The following AP2A2 variants were observed in gnomAD, a reference collection of about 807,000 sequenced individuals.
AP2A2 encodes adaptor related protein complex 2 subunit alpha 2.
Under a neutral mutation model 104.2 loss-of-function variants are expected in AP2A2, and 32 were observed. That is an observed-to-expected ratio of 0.31 (90% CI 0.23 to 0.41). AP2A2 has a LOEUF of 0.41. AP2A2 is among the 10% of genes least tolerant of loss of function. AP2A2 has a pLI of 1.00. For synonymous variants in AP2A2, 539 were observed against 533.3 expected (o/e 1.01, Z -0.15); for missense variants, 912 against 1,261.0 (o/e 0.72, Z 4.19).
At chr11:939,513 C>T (rs570681240) in intron 1 of AP2A2, among the ~76,000 whole-genome samples, 108 of 151,590 alleles carry the variant, frequency 7.1e-4, no homozygotes, top group Non-Finnish European at 1.2e-3. Flanking sequence ...GGTGGGATCT[C>T]GGCTCACTGC....
At chr11:955,202 T>TGCACAC (rs963597917) in intron 1 of AP2A2, among the ~76,000 whole-genome samples, 1 of 152,226 alleles carries the variant, frequency 6.6e-6, no homozygotes, top group African/African-American at 2.4e-5. Context: ...CACAGTGGCA[T>TGCACAC]GCACACATAG....
In AP2A2 at chr11:970,176, G is replaced by A. The variant is rs1414037935; in HGVS notation, c.144G>A (p.Lys48=). The change falls in exon 3 of 22, where the codon AAG becomes AAA. Residue 48 remains lysine, a synonymous_variant. Coordinates refer to ENST00000448903, the MANE Select transcript of AP2A2 (RefSeq NM_012305.4). Reference sequence around the variant, plus strand: ...TCCCCACCTTTTCTGTAGGTGACAAGGCTCTTGATGGCTATAGTAAAAAAA... The same window carrying A: ...TCCCCACCTTTTCTGTAGGTGACAAAGCTCTTGATGGCTATAGTAAAAAAA... The part of the protein sequence containing the change: ...ANIRSKFKGD[K]ALDGYSKKKY... 6.2e-7 allele frequency: 1 copy of A among 1,613,878 alleles called. No homozygotes were observed. Among genetic ancestry groups the A allele is most frequent in the East Asian group, 2.2e-5 (1 of 44,884 alleles).
chr11:928,471 C>T (rs896631470), intron 1 of AP2A2, among the ~76,000 whole-genome samples: 2 of 152,214 alleles, frequency 1.3e-5, no homozygotes, highest in Non-Finnish European at 2.9e-5. Context: ...AACTGCTGTA[C>T]TCTATAAAAT....
rs961081073 is a variant in AP2A2 at position 968,724 on chromosome 11, CAG to C, written c.137-1444_137-1443del. On this transcript the variant is annotated intron_variant, in intron 2 of 21. Transcript: ENST00000448903. This position sits in a 1 kb window ranked among gnomAD's most constrained non-coding sequence, Gnocchi z 4.2. Reference sequence around the variant, plus strand: ...AGCTGTGTGTGCCCTCCTGCACAAACAGGGCACGGAGAACGTGTCTGCTGGGA... The same window carrying C: ...AGCTGTGTGTGCCCTCCTGCACAAACGGCACGGAGAACGTGTCTGCTGGGA... 2.0e-5 allele frequency among the ~76,000 whole-genome samples: 3 copies of C among 150,992 alleles called. No homozygotes were observed. The highest frequency in any genetic ancestry group is 4.9e-5 in the African/African-American group (2 of 40,962).
chr11:990,916 C>T (rs1299653423), intron 10 of AP2A2, among the ~76,000 whole-genome samples: 4 of 150,254 alleles, frequency 2.7e-5, no homozygotes, highest in African/African-American at 7.4e-5. Context: ...TGGTGCTCCC[C>T]CCACCCCATC....
chr11:959,353 G>A (rs1854350604), intron 1 of AP2A2, 84 bp from the exon 2 acceptor site: 1 of 956,912 alleles, frequency 1.0e-6, no homozygotes, highest in African/African-American at 1.7e-5. Flanking sequence ...CCATTCGTGA[G>A]TTCTGAGTGT....
chr11:961,674 T>A (rs1210000768), intron 2 of AP2A2, among the ~76,000 whole-genome samples: 1 of 121,930 alleles, frequency 8.2e-6, no homozygotes, highest in Non-Finnish European at 1.7e-5. Flanking sequence ...GATGGAGATG[T>A]GGGTCTGACA....
chr11:933,821 C>A (rs1305647792), intron 1 of AP2A2, among the ~76,000 whole-genome samples: 1 of 152,116 alleles, frequency 6.6e-6, no homozygotes, highest in Non-Finnish European at 1.5e-5. Flanking sequence ...CACGCTTTTT[C>A]CTGAAACATT....
chr11:1,010,523 T>G (rs1309344318), intron 21 of AP2A2, 25 bp from the exon 22 acceptor site: 1 of 1,565,688 alleles, frequency 6.4e-7, no homozygotes, highest in Admixed American at 1.9e-5. Context: ...GCGTGCCCGT[T>G]GACCTGCTGT....
chr11:931,802 G>GTTTTTTTT (rs138261185), intron 1 of AP2A2, among the ~76,000 whole-genome samples: 1 of 125,174 alleles, frequency 8.0e-6, no homozygotes, highest in Non-Finnish European at 1.7e-5. Flanking sequence ...TCCATTTCTT[G>GTTTTTTTT]TTTTTTTTTT....
intron 1 of AP2A2, among the ~76,000 whole-genome samples, chr11:955,637 C>A (rs1014505854): frequency 6.6e-6 from 1 of 152,172 alleles, no homozygotes; most frequent in Non-Finnish European, 1.5e-5. Flanking sequence ...GTCGGGGAGC[C>A]GCCACATAGG....
At chr11:989,973 G>T (rs1855592117) in intron 10 of AP2A2, among the ~76,000 whole-genome samples, 1 of 152,242 alleles carries the variant, frequency 6.6e-6, no homozygotes, top group Non-Finnish European at 1.5e-5. Context: ...GAGAGCCAGT[G>T]TTGGAGCTAG....
chr11:933,150 C>G (rs1336772918), intron 1 of AP2A2, among the ~76,000 whole-genome samples: 3 of 152,152 alleles, frequency 2.0e-5, no homozygotes, highest in African/African-American at 7.2e-5. Context: ...TGTCTGTAAT[C>G]CCAGGTACTT....
intron 19 of AP2A2, 22 bp from the exon 20 acceptor site, chr11:1,009,306 T>C: frequency 6.2e-7 from 1 of 1,612,936 alleles, no homozygotes; most frequent in South Asian, 1.1e-5. Context: ...CTGAGAACAC[T>C]CGCCTTTGCT....
At chr11:1,009,069 T>C in intron 18 of AP2A2, 31 bp from the exon 19 acceptor site, 1 of 1,558,144 alleles carries the variant, frequency 6.4e-7, no homozygotes, top group Non-Finnish European at 8.8e-7. Flanking sequence ...AGTAGCTGAC[T>C]GTCTCTTTCT....
At chr11:967,545 A>G (rs980757451) in intron 2 of AP2A2, among the ~76,000 whole-genome samples, 1 of 151,830 alleles carries the variant, frequency 6.6e-6, no homozygotes, top group Non-Finnish European at 1.5e-5. Context: ...TATTTTTAGT[A>G]GAGACAGGAT....
At chr11:954,467 ATT>A (rs1425170627) in intron 1 of AP2A2, among the ~76,000 whole-genome samples, 1 of 151,282 alleles carries the variant, frequency 6.6e-6, no homozygotes, top group Non-Finnish European at 1.5e-5. Flanking sequence ...TATATGTTGT[ATT>A]TGTGTTTATA....
chr11:927,577 A>C (rs1013404883), intron 1 of AP2A2, among the ~76,000 whole-genome samples: 1 of 150,976 alleles, frequency 6.6e-6, no homozygotes, highest in Non-Finnish European at 1.5e-5. Flanking sequence ...GCATTTTGGG[A>C]GGCTGAGGCA....
intron 1 of AP2A2, among the ~76,000 whole-genome samples, chr11:939,991 T>C (rs1165727772): frequency 7.0e-6 from 1 of 142,084 alleles, no homozygotes. Flanking sequence ...AGTTTCACTC[T>C]GTCACCCAGG....
Sources: gnomAD v4.1 joint callset for allele counts (sites outside exome capture counted in the v4.1 genomes callset) on GRCh38, gnomAD v4.1.1 for gene constraint, Gnocchi (gnomAD v3.1) non-coding constraint, MANE v1.5 for transcripts, NCBI Gene and HGNC (gene_info 2026-07-23, HGNC 2026-07-21) for gene names.